Variants in ZNF131 observed in about 807,000 individuals in gnomAD.
The protein encoded by ZNF131 is zinc finger and BTB domain containing 35, also known as zinc finger protein 131.
ZNF131 carries 7 observed loss-of-function variants against 60.0 expected under a neutral mutation model. The ratio of observed to expected loss-of-function variants is 0.12; its 90% confidence interval spans 0.07 to 0.22. ZNF131 has a LOEUF of 0.22. ZNF131 is among the 10% of genes least tolerant of loss of function. The pLI, the probability that ZNF131 is intolerant of heterozygous loss-of-function variation, is 1.00. For missense variants in ZNF131, 493 were observed against 740.9 expected, an observed-to-expected ratio of 0.67 and a Z score of 3.88; for synonymous variants, 257 against 253.2, an observed-to-expected ratio of 1.01 and a Z score of -0.14.
Position 43,122,043 on chromosome 5 carries a change from G to T in ZNF131, c.-11G>T, listed in dbSNP as rs1172437931. The T allele has an allele frequency of 6.2e-7, 1 of 1,613,628 alleles. No individual in the cohort carries two copies. The highest frequency in any genetic ancestry group is 1.3e-5 in the African/African-American group (1 of 74,850). ...TATCATGCTCTTCTTTTGTAGAGCA[G>T]CCCGACGGCCATGGAGGCTGAAGAG... On this transcript the variant is annotated 5_prime_UTR_variant, in exon 2 of 7. Transcript: ENST00000682664.
chr5:43,124,513 A>G (rs1744265258), intron 3 of ZNF131: 2 of 152,236 alleles, frequency 1.3e-5, no homozygotes, highest in African/African-American at 4.8e-5. Flanking sequence ...TATAGCTGAT[A>G]TATTTACAGC....
intron 2 of ZNF131, 24 bp from the exon 3 acceptor site, chr5:43,123,182 TTTC>T (rs762524951): frequency 7.7e-6 from 12 of 1,553,722 alleles, no homozygotes; most frequent in African/African-American, 1.4e-5. Context: ...TGTGTATGAT[TTTC>T]TTTTTTTTTC....
intron 4 of ZNF131, among the ~76,000 whole-genome samples, chr5:43,159,695 CAAA>C (rs35599400): frequency 2.4e-4 from 22 of 93,394 alleles, no homozygotes; most frequent in African/African-American, 1.1e-3. Context: ...TACTCTGTCT[CAAA>C]AAAAAAAAAA....
intron 4 of ZNF131, among the ~76,000 whole-genome samples, chr5:43,160,553 C>G (rs978780788): frequency 6.6e-6 from 1 of 151,880 alleles, no homozygotes; most frequent in Admixed American, 6.6e-5. Context: ...TTTACTAATT[C>G]TTAAATTTAG....
At chr5:43,158,589 C>T (rs1456084380) in intron 4 of ZNF131, among the ~76,000 whole-genome samples, 1 of 152,254 alleles carries the variant, frequency 6.6e-6, no homozygotes, top group Non-Finnish European at 1.5e-5. Flanking sequence ...CGCGCCCGGC[C>T]AGACGTCATC....
At chr5:43,128,009 G>C (rs1452103089) in intron 3 of ZNF131, among the ~76,000 whole-genome samples, 1 of 152,168 alleles carries the variant, frequency 6.6e-6, no homozygotes, top group Non-Finnish European at 1.5e-5. Context: ...TTTTGAGTAG[G>C]AGTTTTCCAC....
At chr5:43,125,242 G>GT (rs1311094917) in intron 3 of ZNF131, among the ~76,000 whole-genome samples, 2 of 152,000 alleles carry the variant, frequency 1.3e-5, no homozygotes, top group Admixed American at 1.3e-4. Flanking sequence ...GGGAGAATGA[G>GT]TGGTTTGGTC....
intron 3 of ZNF131, among the ~76,000 whole-genome samples, chr5:43,125,914 A>G (rs1475238496): frequency 6.6e-6 from 1 of 152,236 alleles, no homozygotes; most frequent in African/African-American, 2.4e-5. Flanking sequence ...GGTCTGTGGC[A>G]CACACAAGTC....
intron 5 of ZNF131, among the ~76,000 whole-genome samples, chr5:43,163,566 G>C (rs530092178): frequency 3.9e-5 from 6 of 152,322 alleles, no homozygotes; most frequent in African/African-American, 1.4e-4. Flanking sequence ...TTTCTTGCTT[G>C]CTCCCACTCC....
At chr5:43,153,095 TTA>T (rs1337479120) in intron 4 of ZNF131, among the ~76,000 whole-genome samples, 2 of 152,114 alleles carry the variant, frequency 1.3e-5, no homozygotes, top group Non-Finnish European at 2.9e-5. Context: ...TAGAGACCCA[TTA>T]TGTTTCCCAC....
rs1554067565 is a variant in ZNF131 at position 43,153,489 on chromosome 5, A to AG, written c.372-7759dup. Among the ~76,000 whole-genome samples the AG allele has an allele frequency of 2.7e-3, 346 of 128,888 alleles. 10 individuals are homozygous for AG. The highest frequency in any genetic ancestry group is 9.0e-3 in the African/African-American group (321 of 35,700). The allele number at this position is 128,888 out of a possible 152,430, so 84.6% of individuals were successfully genotyped here. On this transcript the variant is annotated intron_variant, in intron 4 of 6. Coordinates refer to ENST00000682664, the MANE Select transcript of ZNF131 (RefSeq NM_001330707.2). The stretch of plus-strand genomic sequence containing the variant: ...AAAAAAAAAAAAAAAAAAAAAAAAA[A>AG]GCAAAATTAGCTGGGCCTGGTGGCA...
chr5:43,155,374 C>T (rs1401423130), intron 4 of ZNF131, among the ~76,000 whole-genome samples: 1 of 152,130 alleles, frequency 6.6e-6, no homozygotes, highest in Non-Finnish European at 1.5e-5. Context: ...CAACAGCAAA[C>T]TAATTTTCTC....
chr5:43,134,767 C>G (rs1745842865), intron 3 of ZNF131, among the ~76,000 whole-genome samples: 2 of 140,466 alleles, frequency 1.4e-5, no homozygotes, highest in Non-Finnish European at 3.0e-5. Context: ...GTGGCGTGAC[C>G]TCGGCTCACT....
chr5:43,142,114 G>A (rs1434148662), intron 4 of ZNF131, among the ~76,000 whole-genome samples: 2 of 151,674 alleles, frequency 1.3e-5, no homozygotes, highest in Non-Finnish European at 2.9e-5. Context: ...GGCCGAGGCG[G>A]GTGGATCACT....
At chr5:43,160,678 C>CT (rs71608692) in intron 4 of ZNF131, among the ~76,000 whole-genome samples, 1,142 of 92,992 alleles carry the variant, frequency 0.012, 39 homozygotes, top group African/African-American at 0.03. Context: ...TAGCTTGGAA[C>CT]TTTTTTTTTT....
intron 4 of ZNF131, among the ~76,000 whole-genome samples, chr5:43,140,158 C>T (rs139300336): frequency 7.0e-4 from 106 of 152,210 alleles, no homozygotes; most frequent in African/African-American, 2.4e-3. Flanking sequence ...AAGGTTGTGG[C>T]TGCAGCGAGC....
In ZNF131 at chr5:43,175,458, C is replaced by T. The variant is rs1561457936; in HGVS notation, c.*325C>T. On this transcript the variant is annotated 3_prime_UTR_variant, in exon 7 of 7. Coordinates refer to ENST00000682664, the MANE Select transcript of ZNF131 (RefSeq NM_001330707.2). ...GTTCTTCCTTTTCTCTTTCCCAGGTCATGTTCTTCCTCAAATTTTTTCCAT... is the reference window on the plus strand; with the variant it reads ...GTTCTTCCTTTTCTCTTTCCCAGGTTATGTTCTTCCTCAAATTTTTTCCAT... 1 of 699,198 alleles carries T rather than the reference C, an allele frequency of 1.4e-6. No homozygotes were observed. The highest frequency in any genetic ancestry group is 2.6e-6 in the Non-Finnish European group (1 of 384,458). The allele number at this position is 699,198 out of a possible 1,614,324, so 43.3% of individuals were successfully genotyped here.
intron 3 of ZNF131, among the ~76,000 whole-genome samples, chr5:43,136,349 A>C (rs979394612): frequency 1.3e-5 from 2 of 152,162 alleles, no homozygotes; most frequent in South Asian, 2.1e-4. Flanking sequence ...GTCCCTCTCA[A>C]AATCCTGATG....
intron 4 of ZNF131, among the ~76,000 whole-genome samples, chr5:43,141,946 T>C (rs1330230923): frequency 3.3e-5 from 5 of 152,254 alleles, no homozygotes; most frequent in African/African-American, 1.2e-4. Flanking sequence ...AATAATGCAG[T>C]GTTTAAGCTT....
Sources: allele counts gnomAD v4.1 joint callset (sites outside exome capture counted in the v4.1 genomes callset), GRCh38; gene constraint gnomAD v4.1.1; transcripts MANE v1.5; gene names NCBI Gene and HGNC (gene_info 2026-07-23, HGNC 2026-07-21).